SLC6A6: variants seen among roughly 807,000 people sequenced by gnomAD.
SLC6A6 encodes the protein solute carrier family 6 member 6.
Under a neutral mutation model 68.8 loss-of-function variants are expected in SLC6A6, and 16 were observed. The ratio of observed to expected loss-of-function variants is 0.23; its 90% CI spans 0.16 to 0.35. SLC6A6 has a LOEUF of 0.35. Ranked by LOEUF, SLC6A6 falls within the 10% of genes least tolerant of loss-of-function variation. SLC6A6 has a pLI of 1.00. For synonymous variants in SLC6A6, 312 were observed against 315.4 expected, an observed-to-expected ratio of 0.99 and a Z score of 0.12; for missense variants, 474 against 802.8, an observed-to-expected ratio of 0.59 and a Z score of 4.95.
At chr3:14,410,234 C>G (rs866024506) in intron 1 of SLC6A6, among the ~76,000 whole-genome samples, 21 of 152,044 alleles carry the variant, frequency 1.4e-4, no homozygotes, top group African/African-American at 4.8e-4. Flanking sequence ...GTGCTCCCCC[C>G]TCCCAGCCGC....
chr3:14,456,345 C>T (rs542932128), intron 5 of SLC6A6, among the ~76,000 whole-genome samples: 3 of 152,302 alleles, frequency 2.0e-5, no homozygotes, highest in South Asian at 4.1e-4. Flanking sequence ...GAGTATTTCA[C>T]GGATCGGTCC....
At chr3:14,409,705 A>G (rs1241848679) in intron 1 of SLC6A6, among the ~76,000 whole-genome samples, 1 of 152,220 alleles carries the variant, frequency 6.6e-6, no homozygotes, top group Non-Finnish European at 1.5e-5. Flanking sequence ...GTTTATGCCA[A>G]GGCAGGCCAA....
intron 2 of SLC6A6, among the ~76,000 whole-genome samples, chr3:14,427,644 C>G (rs766668703): frequency 4.6e-5 from 7 of 152,162 alleles, no homozygotes; most frequent in Non-Finnish European, 7.3e-5. Flanking sequence ...TGTCTGACTT[C>G]TGCAGTTGCA....
At chr3:14,473,660 C>T (rs538003809) in intron 10 of SLC6A6, among the ~76,000 whole-genome samples, 10 of 152,080 alleles carry the variant, frequency 6.6e-5, no homozygotes, top group South Asian at 2.1e-4. Context: ...GAAGACAGAA[C>T]GAAAACATCA....
Position 14,407,220 on chromosome 3 carries a change from T to C in SLC6A6, c.-54+4373T>C, listed in dbSNP as rs115474859. 6.6e-3 allele frequency among the ~76,000 whole-genome samples: 999 copies of C among 151,926 alleles called. 14 individuals carry two copies. Among genetic ancestry groups the C allele is most frequent in the African/African-American group, 0.023 (949 of 41,446 alleles). ...ATGCACCACCACTCCAGGCTAATTTTTGTATTTTTTGTACGGAGGAGGTTT... is the reference window on the plus strand; with the variant it reads ...ATGCACCACCACTCCAGGCTAATTTCTGTATTTTTTGTACGGAGGAGGTTT... On this transcript the variant is annotated intron_variant, in intron 1 of 14. Transcript: ENST00000622186.
chr3:14,429,546 T>G (rs1356660961), intron 2 of SLC6A6, among the ~76,000 whole-genome samples: 1 of 152,202 alleles, frequency 6.6e-6, no homozygotes, highest in East Asian at 1.9e-4. Flanking sequence ...AGCCTTAATC[T>G]CTTTCCTGAG....
At chr3:14,466,679 C>T (rs746774277) in intron 7 of SLC6A6, 29 bp downstream of exon 7, 2 of 1,584,666 alleles carry the variant, frequency 1.3e-6, no homozygotes, top group Non-Finnish European at 1.7e-6. Flanking sequence ...ACACCATCCT[C>T]CCTCCCATCC....
At chr3:14,436,029 G>T (rs1442401789) in intron 2 of SLC6A6, among the ~76,000 whole-genome samples, 4 of 152,168 alleles carry the variant, frequency 2.6e-5, no homozygotes. Flanking sequence ...GCCTTTCCTT[G>T]GGAGCAGATA....
chr3:14,437,784 C>T (rs1699891029), intron 2 of SLC6A6, among the ~76,000 whole-genome samples: 1 of 151,374 alleles, frequency 6.6e-6, no homozygotes, highest in African/African-American at 2.4e-5. Flanking sequence ...TCTAACCATC[C>T]ACTTTTTCTT....
intron 7 of SLC6A6, 39 bp from the exon 8 acceptor site, chr3:14,467,813 GC>G: frequency 7.5e-7 from 1 of 1,340,230 alleles, no homozygotes; most frequent in Non-Finnish European, 1.1e-6. Context: ...AGCTCTGACA[GC>G]CCTCCTCTCT....
intron 5 of SLC6A6, among the ~76,000 whole-genome samples, chr3:14,453,459 C>A (rs1316223466): frequency 6.6e-6 from 1 of 152,220 alleles, no homozygotes; most frequent in Non-Finnish European, 1.5e-5. Flanking sequence ...GGAACCAGGT[C>A]CATGGCTGAT....
Position 14,419,939 on chromosome 3 carries a change from G to A in SLC6A6, c.-12+3486G>A, listed in dbSNP as rs569501231. ...CTGGGCTTGTGGTGAGATCTCCCAC[G>A]GGGTGTCTGCCCCCATGCCCCGCAC... On this transcript the variant is annotated intron_variant, in intron 2 of 14. Coordinates refer to ENST00000622186, the MANE Select transcript of SLC6A6 (RefSeq NM_003043.6). 3.9e-5 allele frequency among the ~76,000 whole-genome samples: 6 copies of A among 152,176 alleles called. No homozygotes were observed. The South Asian group carries it at 8.3e-4, about 21-fold the overall frequency.
Position 14,402,914 on chromosome 3 carries a change from C to G in SLC6A6, c.-54+67C>G, listed in dbSNP as rs1445789261. The G allele has an allele frequency of 1.8e-5, 7 of 387,870 alleles. No homozygotes were observed. The highest frequency in any genetic ancestry group is 3.2e-5 in the Non-Finnish European group (7 of 219,182). The allele number at this position is 387,870 out of a possible 1,614,324, so 24.0% of individuals were successfully genotyped here. ...CCGCCGTCTGCAGCCCCTCCCCATC[C>G]CCGCGTCGCCGCAGTCCCGGCCTCC... On this transcript the variant is annotated intron_variant, in intron 1 of 14. Coordinates refer to ENST00000622186, the MANE Select transcript of SLC6A6 (RefSeq NM_003043.6). The surrounding 1 kb of genome is among the most constrained non-coding windows in gnomAD (Gnocchi z 4.8).
At position 14,477,076 on chromosome 3, in the gene SLC6A6, C is replaced by A; in HGVS notation, c.1210-129C>A. ...CCACACTTGGACTTGATCTCACAGG[C>A]CAATTCTGGACACAAGGATGGTCAC... is the stretch of plus-strand genomic sequence containing the variant. On this transcript the variant is annotated intron_variant, in intron 10 of 14. Coordinates refer to ENST00000622186, the MANE Select transcript of SLC6A6 (RefSeq NM_003043.6). This position sits in a 1 kb window ranked among gnomAD's most constrained non-coding sequence, Gnocchi z 4.2. 2 of 855,408 alleles carry A rather than the reference C, an allele frequency of 2.3e-6. No individual in the cohort carries two copies. Among genetic ancestry groups the A allele is most frequent in the Admixed American group, 2.2e-5 (1 of 44,550 alleles). The allele number at this position is 855,408 out of a possible 1,614,324, so 53.0% of individuals were successfully genotyped here.
chr3:14,447,516 A>G, intron 4 of SLC6A6, 66 bp from the exon 5 acceptor site: 1 of 1,588,152 alleles, frequency 6.3e-7, no homozygotes, highest in Non-Finnish European at 8.6e-7. Flanking sequence ...CTTCCAGTTG[A>G]GTATGTGGCC....
chr3:14,467,989 T>C (rs1238216849), intron 8 of SLC6A6, 33 bp downstream of exon 8: 3 of 1,609,398 alleles, frequency 1.9e-6, no homozygotes, highest in Admixed American at 3.3e-5. Flanking sequence ...TGGTGGACTT[T>C]AGAAATGATG....
At chr3:14,464,285 T>C (rs1040550494) in intron 6 of SLC6A6, among the ~76,000 whole-genome samples, 9 of 152,288 alleles carry the variant, frequency 5.9e-5, no homozygotes, top group Admixed American at 5.9e-4. Flanking sequence ...TTTTTGCTGG[T>C]CTGCTATGTG....
At chr3:14,479,991 A>T (rs1485381580) in intron 13 of SLC6A6, among the ~76,000 whole-genome samples, 2 of 152,176 alleles carry the variant, frequency 1.3e-5, no homozygotes, top group Non-Finnish European at 2.9e-5. Context: ...GGTGCTGAGG[A>T]CAAATAGGCC....
chr3:14,486,002 G>T lies in SLC6A6; in HGVS notation c.*995G>T, dbSNP rs1282838103. On this transcript the variant is annotated 3_prime_UTR_variant, in exon 15 of 15. Coordinates refer to ENST00000622186, the MANE Select transcript of SLC6A6 (RefSeq NM_003043.6). ...TCAGATGAGTCTGTTGCATTTGAAT[G>T]GGGTCATAGCAGGTTCTGGTCATTC... The T allele has an allele frequency of 6.5e-6, 1 of 152,712 alleles. No individual in the cohort carries two copies. Among genetic ancestry groups the T allele is most frequent in the Non-Finnish European group, 1.5e-5 (1 of 68,090 alleles). The allele number at this position is 152,712 out of a possible 1,614,324, so 9.5% of individuals were successfully genotyped here.
Sources: gnomAD v4.1 joint callset for allele counts (sites outside exome capture counted in the v4.1 genomes callset) on GRCh38, gnomAD v4.1.1 for gene constraint, Gnocchi (gnomAD v3.1) non-coding constraint, MANE v1.5 for transcripts, NCBI Gene and HGNC (gene_info 2026-07-23, HGNC 2026-07-21) for gene names.